AGBL1: variants seen among roughly 807,000 people sequenced by gnomAD.
AGBL1 encodes AGBL carboxypeptidase 1, also known as cytosolic carboxypeptidase 4.
AGBL1 carries 130 observed loss-of-function variants against 118.9 expected under a neutral mutation model. The ratio of observed to expected loss-of-function variants is 1.09; its 90% CI spans 0.95 to 1.26. The LOEUF (loss-of-function observed/expected upper bound fraction) is 1.26, where lower values mean the gene tolerates loss of function less well. Among genes scored for constraint, AGBL1 ranks in the 50% most tolerant of loss-of-function variants. The pLI is 0.00. For synonymous variants in AGBL1, 555 were observed against 478.9 expected (o/e 1.16, Z -2.08); for missense variants, 1,584 against 1,298.1 (o/e 1.22, Z -3.38).
chr15:86,361,697 C>T (rs1424146382), intron 17 of AGBL1, among the ~76,000 whole-genome samples: 1 of 151,894 alleles, frequency 6.6e-6, no homozygotes, highest in African/African-American at 2.4e-5. Context: ...TATATAATAA[C>T]TTTATTTGTG....
At chr15:86,640,466 A>C (rs2085172451) in intron 21 of AGBL1, among the ~76,000 whole-genome samples, 1 of 152,142 alleles carries the variant, frequency 6.6e-6, no homozygotes, top group African/African-American at 2.4e-5. Context: ...ACATGCATAC[A>C]TAGATTTGTG....
At chr15:86,307,261 T>C (rs2141815761) in intron 17 of AGBL1, among the ~76,000 whole-genome samples, 1 of 152,316 alleles carries the variant, frequency 6.6e-6, no homozygotes, top group South Asian at 2.1e-4. Flanking sequence ...GTTTGTCTAT[T>C]ATGTTAGATG....
At chr15:86,619,030 C>T (rs796870795) in intron 21 of AGBL1, among the ~76,000 whole-genome samples, 1 of 151,998 alleles carries the variant, frequency 6.6e-6, no homozygotes, top group African/African-American at 2.4e-5. Flanking sequence ...CAGAAAATTT[C>T]GTAGGCCCTT....
At chr15:86,303,633 T>G (rs2079790369) in intron 17 of AGBL1, among the ~76,000 whole-genome samples, 1 of 152,126 alleles carries the variant, frequency 6.6e-6, no homozygotes, top group South Asian at 2.1e-4. Flanking sequence ...TATACTCTAT[T>G]TTAGAGAGAA....
At position 86,979,571 on chromosome 15, in the gene AGBL1, C is replaced by G. The variant is rs1187609648; in HGVS notation, c.3222-8416C>G. 3.3e-5 allele frequency among the ~76,000 whole-genome samples: 5 copies of G among 152,146 alleles called. No individual in the cohort carries two copies. The East Asian group carries it at 9.7e-4, about 29-fold the overall frequency. On this transcript the variant is annotated intron_variant, in intron 23 of 24. Coordinates refer to the AGBL1 transcript ENST00000441037. ...TGGCGCGATCTCGGCTCACTGCAAG[C>G]TCCGCCTCCCGGGTTCACGCCATTC...
chr15:86,943,814 A>G (rs1342451867), intron 23 of AGBL1, among the ~76,000 whole-genome samples: 1 of 152,122 alleles, frequency 6.6e-6, no homozygotes, highest in East Asian at 1.9e-4. Flanking sequence ...TTTTTATTAA[A>G]GGGAAACCTT....
At chr15:86,983,514 G>T (rs2081251057) in intron 23 of AGBL1, among the ~76,000 whole-genome samples, 1 of 152,122 alleles carries the variant, frequency 6.6e-6, no homozygotes, top group African/African-American at 2.4e-5. Flanking sequence ...TCCTGACTAT[G>T]TTAACCCCTC....
In AGBL1 at chr15:86,985,661, T is replaced by G. The variant is rs867174192; in HGVS notation, c.3222-2326T>G. 5.3e-5 allele frequency among the ~76,000 whole-genome samples: 8 copies of G among 152,300 alleles called. 1 individual carries two copies. Among genetic ancestry groups the G allele is most frequent in the Admixed American group, 1.3e-4 (2 of 15,302 alleles). On this transcript the variant is annotated intron_variant, in intron 23 of 24. Transcript: ENST00000441037. ...TCAGATTTGTGTTGTGTCAATATTT[T>G]CTTCCACTCTGTGGCTTACCTTCTC...
intron 17 of AGBL1, among the ~76,000 whole-genome samples, chr15:86,373,706 G>A (rs1054702748): frequency 2.6e-5 from 4 of 152,290 alleles, no homozygotes; most frequent in Non-Finnish European, 4.4e-5. Flanking sequence ...AGGAAAAGCT[G>A]TAGGCAAAGC....
At chr15:86,664,503 T>C (rs1028963838) in intron 21 of AGBL1, among the ~76,000 whole-genome samples, 1 of 152,172 alleles carries the variant, frequency 6.6e-6, no homozygotes, top group East Asian at 1.9e-4. Context: ...GTCTTTCAAC[T>C]CATGCTGGCT....
chr15:86,563,440 G>A (rs1452423145), intron 21 of AGBL1, among the ~76,000 whole-genome samples: 5 of 152,174 alleles, frequency 3.3e-5, no homozygotes, highest in Admixed American at 1.3e-4. Context: ...CAGTTTCCAT[G>A]TAGTTGAGCG....
At chr15:86,258,960 C>G (rs1169133261) in intron 9 of AGBL1, among the ~76,000 whole-genome samples, 8 of 152,246 alleles carry the variant, frequency 5.3e-5, no homozygotes, top group Non-Finnish European at 1.0e-4. Flanking sequence ...CCGCCTCAGC[C>G]TCCCAAAGTA....
At chr15:86,719,305 C>T (rs1335688207) in intron 22 of AGBL1, among the ~76,000 whole-genome samples, 1 of 152,078 alleles carries the variant, frequency 6.6e-6, no homozygotes, top group Non-Finnish European at 1.5e-5. Flanking sequence ...ATCTATATAG[C>T]CCCAGTTTTC....
chr15:86,410,826 ATATATATATATAT>A (rs1596080435), intron 18 of AGBL1, among the ~76,000 whole-genome samples: 2 of 113,144 alleles, frequency 1.8e-5, no homozygotes, highest in Non-Finnish European at 3.4e-5. Flanking sequence ...ATATATATAT[ATATATATATATAT>A]ATAATATACT....
In AGBL1 at chr15:86,554,402, A is replaced by G. The variant is rs759037335; in HGVS notation, c.2859A>G (p.Thr953=). The G allele has an allele frequency of 6.3e-7, 1 of 1,587,680 alleles. No individual in the cohort carries two copies. Among genetic ancestry groups the G allele is most frequent in the African/African-American group, 1.3e-5 (1 of 74,398 alleles). The stretch of plus-strand genomic sequence containing the variant: ...TTGATAAGCTAGCACCAGCATTCAC[A>G]ATGAGCAGCTGCAGCTTTCTCGTGG... ...KILDKLAPAF[T]MSSCSFLVEK... is the part of the protein sequence containing the mutation. The change falls in exon 21 of 23, where the codon ACA becomes ACG. Residue 953 remains threonine (T), a synonymous_variant. Transcript: ENST00000614907.
At chr15:86,130,194 GC>G (rs772709119) in intron 1 of AGBL1, among the ~76,000 whole-genome samples, 1 of 152,030 alleles carries the variant, frequency 6.6e-6, no homozygotes, top group African/African-American at 2.4e-5. Context: ...TTTTCTGAGG[GC>G]ACACCTGTCC....
chr15:86,477,609 A>C (rs2082580910), intron 18 of AGBL1, among the ~76,000 whole-genome samples: 2 of 152,262 alleles, frequency 1.3e-5, no homozygotes, highest in South Asian at 4.1e-4. Flanking sequence ...CAACCAAAAA[A>C]AGTTCAGGAC....
chr15:86,643,654 T>G (rs191540230), intron 21 of AGBL1, among the ~76,000 whole-genome samples: 1 of 152,300 alleles, frequency 6.6e-6, no homozygotes, highest in Admixed American at 6.5e-5. Context: ...TTTCAGTAAT[T>G]AGTTTGACAT....
chr15:86,143,693 C>A lies in AGBL1; in HGVS notation c.116-6C>A. The A allele has an allele frequency of 6.2e-7, 1 of 1,612,922 alleles. No individual in the cohort carries two copies. The highest frequency in any genetic ancestry group is 8.5e-7 in the Non-Finnish European group (1 of 1,179,276). ...GTGGCTCATCTTTCCTCCGGTTTCC[C>A]CTCAGGCACAGACCGGAGAATTCAC... On this transcript the variant is annotated splice_region_variant and splice_polypyrimidine_tract_variant and intron_variant, in intron 2 of 22. Coordinates refer to ENST00000614907, the MANE Select transcript of AGBL1 (RefSeq NM_001386094.1).
Sources: gnomAD v4.1 joint callset for allele counts (sites outside exome capture counted in the v4.1 genomes callset) on GRCh38, gnomAD v4.1.1 for gene constraint, MANE v1.5 for transcripts, NCBI Gene and HGNC (gene_info 2026-07-23, HGNC 2026-07-21) for gene names.